Variants in ZNF276 observed in about 807,000 individuals in gnomAD.
The protein encoded by ZNF276 is centromere protein Z.
A neutral mutation model predicts 63.9 loss-of-function variants in ZNF276; 59 were observed. That is an observed-to-expected ratio of 0.92 (90% CI 0.75 to 1.15). The LOEUF (loss-of-function observed/expected upper bound fraction) is 1.15, where lower values mean the gene tolerates loss of function less well. ZNF276 is among the 50% of genes most tolerant of loss of function. ZNF276 has a pLI of 0.00. For synonymous variants in ZNF276, 496 were observed against 348.4 expected (o/e 1.42, Z -4.72); for missense variants, 1,084 against 843.8 (o/e 1.28, Z -3.53).
In ZNF276 at chr16:89,722,698, G is replaced by C. The variant is rs546650509; in HGVS notation, c.373G>C (p.Val125Leu). The change falls in exon 2 of 11, where the codon GTC becomes CTC. Residue 125 changes from valine to leucine, a missense_variant. Val to Leu is a conservative substitution (Grantham distance 32). Transcript: ENST00000443381. Reference protein sequence around the residue: ...RDFQRLLGVAVRQDPTLSPFV... With the variant: ...RDFQRLLGVALRQDPTLSPFV... ...CTTCCAGCGCCTGCTTGGTGTGGCTGTCCGCCAGGACCCCACCTTGTCTCC... is the reference window on the plus strand; with the variant it reads ...CTTCCAGCGCCTGCTTGGTGTGGCTCTCCGCCAGGACCCCACCTTGTCTCC... The C allele has an allele frequency of 3.7e-6, 6 of 1,612,392 alleles. No homozygotes were observed. Among genetic ancestry groups the C allele is most frequent in the Non-Finnish European group, 5.1e-6 (6 of 1,180,030 alleles).
At position 89,738,108 on chromosome 16, in the gene ZNF276, C is replaced by G; in HGVS notation, c.1707C>G (p.Leu569=). The G allele has an allele frequency of 6.2e-7, 1 of 1,613,952 alleles. No individual in the cohort carries two copies. Among genetic ancestry groups the G allele is most frequent in the East Asian group, 2.2e-5 (1 of 44,886 alleles). Residue 569 remains leucine, a synonymous_variant, in exon 11 of 11, where the codon CTC becomes CTG. Transcript: ENST00000443381. The stretch of plus-strand genomic sequence containing the variant: ...GGCGGTTTGAGAAGGCCCACAACCT[C>G]AATGTACACATGTCCATGGTGCACC... ...CGRRFEKAHN[L]NVHMSMVHPL...
Position 89,723,258 on chromosome 16 carries a change from A to G in ZNF276, c.557-2A>G. The G allele has an allele frequency of 6.2e-7, 1 of 1,613,172 alleles. No individual in the cohort carries two copies. Among genetic ancestry groups the G allele is most frequent in the Non-Finnish European group, 8.5e-7 (1 of 1,179,994 alleles). ...TCTGACATCTCTGTTGACTCTCTGCAGTGGATCTGATCACATCCAGCCCCC... is the reference window on the plus strand; with the variant it reads ...TCTGACATCTCTGTTGACTCTCTGCGGTGGATCTGATCACATCCAGCCCCC... On this transcript the variant is annotated splice_acceptor_variant, in intron 3 of 10. Transcript: ENST00000443381. LOFTEE classifies it high-confidence loss of function.
rs1227007438 is a variant in ZNF276 at position 89,721,582 on chromosome 16, C to T, written c.-59C>T. The stretch of plus-strand genomic sequence containing the variant: ...CGCCGAGCGGAGCCTAACGCCGGGT[C>T]CTCTAGGAACCTCGGGCCGGGCAGC... On this transcript the variant is annotated 5_prime_UTR_variant, in exon 1 of 11. Transcript: ENST00000443381. The T allele has an allele frequency of 2.8e-5, 40 of 1,441,996 alleles. No homozygotes were observed. The highest frequency in any genetic ancestry group is 5.2e-5 in the South Asian group (4 of 76,936). The allele number at this position is 1,441,996 out of a possible 1,614,324, so 89.3% of individuals were successfully genotyped here.
intron 5 of ZNF276, among the ~76,000 whole-genome samples, chr16:89,728,450 C>T (rs572269496): frequency 6.6e-6 from 1 of 152,162 alleles, no homozygotes; most frequent in South Asian, 2.1e-4. Context: ...GTTGCCCAGG[C>T]TGGAGTGCAG....
chr16:89,729,264 A>G lies in ZNF276; in HGVS notation c.1115A>G (p.Lys372Arg), dbSNP rs764685556. 4.5e-5 allele frequency: 72 copies of G among 1,614,058 alleles called. No individual in the cohort carries two copies. Among genetic ancestry groups the G allele is most frequent in the Non-Finnish European group, 5.8e-5 (69 of 1,180,036 alleles). ...GDVLSEDENDKKQNAQSSDES... is the reference protein window; with the variant it reads ...GDVLSEDENDRKQNAQSSDES... ...GTCTTGAGTGAAGATGAAAATGACA[A>G]GAAGCAAAATGCCCAGTCTTCGGAC... Residue 372 changes from lysine to arginine, a missense_variant, in exon 6 of 11, where the codon AAG (lysine) becomes AGG (arginine). Transcript: ENST00000443381.
At position 89,729,236 on chromosome 16, in the gene ZNF276, G is replaced by C; in HGVS notation, c.1087G>C (p.Asp363His). The part of the protein sequence containing the change: ...KDEFSDLSEG[D>H]VLSEDENDKK... ...TGAAGATTCTCTCTTAATTCCTAGA[G>C]ACGTCTTGAGTGAAGATGAAAATGA... Residue 363 changes from aspartate to histidine, a missense_variant and splice_region_variant, in exon 6 of 11, where the codon GAC (aspartate) becomes CAC (histidine). Coordinates refer to ENST00000443381, the MANE Select transcript of ZNF276 (RefSeq NM_001113525.2). 1 of 1,614,000 alleles carries C rather than the reference G, an allele frequency of 6.2e-7. No individual in the cohort carries two copies. Among genetic ancestry groups the C allele is most frequent in the African/African-American group, 1.3e-5 (1 of 75,048 alleles).
intron 4 of ZNF276, among the ~76,000 whole-genome samples, chr16:89,726,276 A>C (rs2061467606): frequency 6.6e-6 from 1 of 152,046 alleles, no homozygotes; most frequent in Non-Finnish European, 1.5e-5. Flanking sequence ...AGCTCACCAC[A>C]ACCTCTGCCT....
chr16:89,731,240 A>G (rs2061639385), intron 6 of ZNF276, among the ~76,000 whole-genome samples: 1 of 152,222 alleles, frequency 6.6e-6, no homozygotes, highest in Non-Finnish European at 1.5e-5. Context: ...CGAAGTCAAC[A>G]GTTCTTCTCA....
At position 89,732,515 on chromosome 16, in the gene ZNF276, C is replaced by A. The variant is rs144339696; in HGVS notation, c.1170-787C>A. 2.6e-3 allele frequency: 405 copies of A among 155,390 alleles called. 1 individual carries two copies. Among genetic ancestry groups the A allele is most frequent in the African/African-American group, 9.4e-3 (390 of 41,526 alleles). 9.6% of individuals were successfully genotyped at this position (155,390 alleles called of 1,614,324 possible). ...AAGGTCGTTTTGATAAAGGAGTGGT[C>A]CTTTGGACATCCCTGTTCTGCCGTC... On this transcript the variant is annotated intron_variant, in intron 6 of 10. Transcript: ENST00000443381.
intron 9 of ZNF276, among the ~76,000 whole-genome samples, chr16:89,737,081 G>C (rs2061946597): frequency 6.6e-6 from 1 of 152,114 alleles, no homozygotes. Context: ...TTTGTTCAAG[G>C]GTGTGAGAAA....
At chr16:89,733,268 G>A (rs753627901) in intron 6 of ZNF276, 34 bp from the exon 7 acceptor site, 1 of 1,589,808 alleles carries the variant, frequency 6.3e-7, no homozygotes, top group Non-Finnish European at 8.6e-7. Context: ...ATGGAGATCA[G>A]AAACCATTGA....
upstream of ZNF276, chr16:89,720,393 C>T: frequency 1.0e-6 from 1 of 1,000,274 alleles, no homozygotes; most frequent in Non-Finnish European, 1.2e-6. Context: ...CCTGTGGCAA[C>T]CGGATTAAAT....
chr16:89,736,427 C>T (rs932408378), intron 9 of ZNF276, among the ~76,000 whole-genome samples: 15 of 151,064 alleles, frequency 9.9e-5, no homozygotes, highest in African/African-American at 3.7e-4. Flanking sequence ...TGGGTTCATG[C>T]AATTCTGCTG....
At chr16:89,735,826 T>A in intron 9 of ZNF276, among the ~76,000 whole-genome samples, 1 of 152,114 alleles carries the variant, frequency 6.6e-6, no homozygotes, top group East Asian at 1.9e-4. Flanking sequence ...GCAATTCTCC[T>A]GTCTCAGCCT....
In ZNF276 at chr16:89,729,277, C is replaced by A. The variant is rs779886286; in HGVS notation, c.1128C>A (p.Ala376=). Residue 376 remains alanine, a synonymous_variant, in exon 6 of 11, where the codon GCC becomes GCA. Transcript: ENST00000443381. ...ATGAAAATGACAAGAAGCAAAATGC[C>A]CAGTCTTCGGACGAGTCCTTTGAGC... ...SEDENDKKQN[A]QSSDESFEPY... 4.3e-6 allele frequency: 7 copies of A among 1,613,986 alleles called. No homozygotes were observed. Among genetic ancestry groups the A allele is most frequent in the Non-Finnish European group, 5.1e-6 (6 of 1,180,038 alleles).
At chr16:89,721,114 G>C (rs1475843839), upstream of ZNF276, 1 of 313,324 alleles carries the variant, frequency 3.2e-6, no homozygotes, top group Non-Finnish European at 5.8e-6. Flanking sequence ...CGGGGCTGGC[G>C]AGAAGGGCCC....
At position 89,737,931 on chromosome 16, in the gene ZNF276, C is replaced by A. The variant is rs17233812; in HGVS notation, c.1574+26C>A. On this transcript the variant is annotated intron_variant, in intron 10 of 10. Transcript: ENST00000443381. ...GTAAGTGTGAGTCAGGACCCCCTCC[C>A]AGGGCTGTGGCCCTCGCACCTTCTT... The A allele has an allele frequency of 3.2e-3, 5,134 of 1,613,778 alleles. 168 individuals carry two copies. The African/African-American group carries it at 0.06, about 19-fold the overall frequency.
chr16:89,725,256 C>T (rs1262767344), intron 4 of ZNF276, among the ~76,000 whole-genome samples: 1 of 151,724 alleles, frequency 6.6e-6, no homozygotes, highest in South Asian at 2.1e-4. Flanking sequence ...CCATGTTGGC[C>T]AGGCTTGGTC....
At chr16:89,728,882 A>G (rs2061556990) in intron 5 of ZNF276, among the ~76,000 whole-genome samples, 1 of 152,208 alleles carries the variant, frequency 6.6e-6, no homozygotes, top group Non-Finnish European at 1.5e-5. Context: ...CATCAGTTGC[A>G]TAGGGTTCGC....
Sources: gnomAD v4.1 joint callset for allele counts (sites outside exome capture counted in the v4.1 genomes callset) on GRCh38, gnomAD v4.1.1 for gene constraint, MANE v1.5 for transcripts, NCBI Gene and HGNC (gene_info 2026-07-23, HGNC 2026-07-21) for gene names.